The following COL1A1 variants were observed in gnomAD, a reference collection of about 807,000 sequenced individuals.
The protein encoded by COL1A1 is collagen alpha-1(I) chain.
A neutral mutation model predicts 195.7 loss-of-function variants in COL1A1; 21 were observed. The ratio of observed to expected loss-of-function variants is 0.11; its 90% confidence interval spans 0.08 to 0.15. The LOEUF (loss-of-function observed/expected upper bound fraction) is 0.15, where lower values mean the gene tolerates loss of function less well. COL1A1 is among the 10% of genes least tolerant of loss of function. The pLI is 1.00. For missense variants in COL1A1, 1,365 were observed against 2,051.0 expected, an observed-to-expected ratio of 0.67 and a Z score of 6.46; for synonymous variants, 749 against 747.3, an observed-to-expected ratio of 1.00 and a Z score of -0.04.
Position 50,195,719 on chromosome 17 carries a change from C to T in COL1A1, c.1057-54G>A. The T allele has an allele frequency of 5.8e-6, 9 of 1,562,662 alleles. No individual in the cohort carries two copies. The highest frequency in any genetic ancestry group is 7.0e-6 in the Non-Finnish European group (8 of 1,139,080). On this transcript the variant is annotated intron_variant, in intron 16 of 50. Coordinates refer to ENST00000225964, the MANE Select transcript of COL1A1 (RefSeq NM_000088.4). The surrounding 1 kb of genome is among the most constrained non-coding windows in gnomAD (Gnocchi z 4.3). ...GCCACCCTGGGAAACCCAACCTTGC[C>T]TCTCGGGATGGCAGGAGGAAGGGGA...
Position 50,188,222 on chromosome 17 carries a change from C to G in COL1A1, c.3208-73G>C, listed in dbSNP as rs41316701. 2.2e-3 allele frequency: 3,036 copies of G among 1,355,002 alleles called. 51 individuals carry two copies. The African/African-American group carries it at 0.036, about 16-fold the overall frequency. 83.9% of individuals were successfully genotyped at this position (1,355,002 alleles called of 1,614,324 possible). On this transcript the variant is annotated intron_variant, in intron 43 of 50. Transcript: ENST00000225964. The surrounding 1 kb of genome is among the most constrained non-coding windows in gnomAD (Gnocchi z 5.6). ...GCTGGGGCTGCAGGATGAGGCCTCC[C>G]CTCTGCTGGATCTCTCTCTCCTCAG...
chr17:50,193,961 A>T lies in COL1A1; in HGVS notation c.1749T>A (p.Pro583=). Residue 583 remains proline (P), a synonymous_variant, in exon 25 of 51, where the codon CCT becomes CCA. Transcript: ENST00000225964. ...ARGQAGVMGF[P]GPKGAAGEPG... is the part of the protein sequence containing the mutation. Reference sequence around the variant, plus strand: ...TACTCACAGCAGCACCTTTAGGTCCAGGGAATCCCATCACACCAGCCTGAC... The same window carrying T: ...TACTCACAGCAGCACCTTTAGGTCCTGGGAATCCCATCACACCAGCCTGAC... The T allele has an allele frequency of 1.2e-6, 2 of 1,614,152 alleles. No homozygotes were observed. Among genetic ancestry groups the T allele is most frequent in the Non-Finnish European group, 1.7e-6 (2 of 1,180,008 alleles).
chr17:50,189,330 C>G lies in COL1A1; in HGVS notation c.2829+47G>C. On this transcript the variant is annotated intron_variant, in intron 39 of 50. Transcript: ENST00000225964. This position sits in a 1 kb window ranked among gnomAD's most constrained non-coding sequence, Gnocchi z 5.5. Reference sequence around the variant, plus strand: ...AGAGAGCAGCACAGGGACCCCTCCCCAGCTCTGCACACCTCCGGAGCTGCA... The same window carrying G: ...AGAGAGCAGCACAGGGACCCCTCCCGAGCTCTGCACACCTCCGGAGCTGCA... 6.2e-7 allele frequency: 1 copy of G among 1,613,816 alleles called. No individual in the cohort carries two copies. The highest frequency in any genetic ancestry group is 8.5e-7 in the Non-Finnish European group (1 of 1,179,930).
In COL1A1 at chr17:50,190,448, A is replaced by C; in HGVS notation, c.2398-68T>G. The C allele has an allele frequency of 6.4e-7, 1 of 1,572,906 alleles. No homozygotes were observed. On this transcript the variant is annotated intron_variant, in intron 34 of 50. Coordinates refer to ENST00000225964, the MANE Select transcript of COL1A1 (RefSeq NM_000088.4). This position sits in a 1 kb window ranked among gnomAD's most constrained non-coding sequence, Gnocchi z 4.7. ...GGGAAGGCGGGGATGCGGTGAGGGG[A>C]GAGGCAAGGGGTGAAGGCACAGACA...
rs1382053306 is a variant in COL1A1, at chr17:50,185,545, T to C, written c.4352A>G (p.Asp1451Gly). 1 of 1,613,432 alleles carries C rather than the reference T, an allele frequency of 6.2e-7. No homozygotes were observed. The highest frequency in any genetic ancestry group is 1.1e-5 in the South Asian group (1 of 91,028). Residue 1451 changes from aspartate to glycine, a missense_variant, in exon 51 of 51, where the codon GAC becomes GGC. Transcript: ENST00000225964. Reference sequence around the variant, plus strand: ...GCCAACGTCGAAGCCGAATTCCTGGTCTGGGGCACCAACGTCCAAGGGGGC... The same window carrying C: ...GCCAACGTCGAAGCCGAATTCCTGGCCTGGGGCACCAACGTCCAAGGGGGC... ...DVAPLDVGAPDQEFGFDVGPV... is the reference protein window; with the variant it reads ...DVAPLDVGAPGQEFGFDVGPV...
chr17:50,199,131 A>G, intron 5 of COL1A1, 95 bp downstream of exon 5: 2 of 1,370,904 alleles, frequency 1.5e-6, no homozygotes, highest in Non-Finnish European at 1.9e-6. Flanking sequence ...ACTTTTCTGT[A>G]AGTTTGAAAT....
Position 50,194,706 on chromosome 17 carries a change from G to C in COL1A1, c.1461+15C>G. ...AATGAGGGTGGAGCGGGAGGGGGCG[G>C]GCAGGGACACTTACACGCTCGCCAG... On this transcript the variant is annotated intron_variant, in intron 21 of 50. Coordinates refer to ENST00000225964, the MANE Select transcript of COL1A1 (RefSeq NM_000088.4). The surrounding 1 kb of genome is among the most constrained non-coding windows in gnomAD (Gnocchi z 6.8). The C allele has an allele frequency of 6.4e-7, 1 of 1,562,122 alleles. No homozygotes were observed. The highest frequency in any genetic ancestry group is 1.2e-5 in the South Asian group (1 of 85,482).
rs1367059805 is a variant in COL1A1, at chr17:50,194,512, A to G, written c.1515+61T>C. On this transcript the variant is annotated intron_variant, in intron 22 of 50. Coordinates refer to ENST00000225964, the MANE Select transcript of COL1A1 (RefSeq NM_000088.4). This position sits in a 1 kb window ranked among gnomAD's most constrained non-coding sequence, Gnocchi z 6.8. Reference sequence around the variant, plus strand: ...TTTGTGGCTCTTTGCCACGGGCCAAAAGAGGAAGAAGATGCCCAGGGAGCG... The same window carrying G: ...TTTGTGGCTCTTTGCCACGGGCCAAGAGAGGAAGAAGATGCCCAGGGAGCG... 2 of 1,612,878 alleles carry G rather than the reference A, an allele frequency of 1.2e-6. No individual in the cohort carries two copies. The highest frequency in any genetic ancestry group is 1.7e-6 in the Non-Finnish European group (2 of 1,179,262).
rs979665690 is a variant in COL1A1 at position 50,194,240 on chromosome 17, G to T, written c.1615-57C>A. The T allele has an allele frequency of 1.3e-6, 2 of 1,586,264 alleles. No individual in the cohort carries two copies. The highest frequency in any genetic ancestry group is 1.7e-6 in the Non-Finnish European group (2 of 1,156,176). Reference sequence around the variant, plus strand: ...GGGGAGAAGCATGATGGAGGTGGGGGAGGACTCCAGAGGGCAGACCCTTGG... The same window carrying T: ...GGGGAGAAGCATGATGGAGGTGGGGTAGGACTCCAGAGGGCAGACCCTTGG... On this transcript the variant is annotated intron_variant, in intron 23 of 50. Transcript: ENST00000225964. This position sits in a 1 kb window ranked among gnomAD's most constrained non-coding sequence, Gnocchi z 6.8.
intron 29 of COL1A1, 48 bp from the exon 30 acceptor site, chr17:50,192,072 G>A (rs767426779): frequency 6.3e-7 from 1 of 1,592,702 alleles, no homozygotes; most frequent in Non-Finnish European, 8.6e-7. Flanking sequence ...ACCCACCTGG[G>A]GCCACTCTGC....
chr17:50,192,726 G>A lies in COL1A1; in HGVS notation c.1876-33C>T, dbSNP rs745414033. 12 of 1,613,852 alleles carry A rather than the reference G, an allele frequency of 7.4e-6. No individual in the cohort carries two copies. In the South Asian group the frequency reaches 1.2e-4, roughly 16 times the overall value. On this transcript the variant is annotated intron_variant, in intron 27 of 50. Transcript: ENST00000225964. ...GAGAGAACACTACAGTCACGGGGAG[G>A]CCGAGGAGACGAGGGGCTGAGGGTG...
chr17:50,199,288 G>T lies in COL1A1; in HGVS notation c.409C>A (p.Gln137Lys). The T allele has an allele frequency of 6.5e-7, 1 of 1,533,704 alleles. No individual in the cohort carries two copies. Among genetic ancestry groups the T allele is most frequent in the African/African-American group, 1.4e-5 (1 of 72,858 alleles). ...CCGGGGGGTCCGGGAAGTCCAGGCTGTCCAGGGATGCCATCTCGGCCAGGG... is the reference window on the plus strand; with the variant it reads ...CCGGGGGGTCCGGGAAGTCCAGGCTTTCCAGGGATGCCATCTCGGCCAGGG... The part of the protein sequence containing the change: ...GPPGRDGIPG[Q>K]PGLPGPPGPP... The change falls in exon 5 of 51, where the codon CAG (glutamine) becomes AAG (lysine). Residue 137 changes from glutamine to lysine, a missense_variant. Gln to Lys is a moderately conservative substitution (Grantham distance 53, BLOSUM62 1). Transcript: ENST00000225964.
In COL1A1 at chr17:50,190,444, G is replaced by T; in HGVS notation, c.2398-64C>A. 3 of 1,574,000 alleles carry T rather than the reference G, an allele frequency of 1.9e-6. No homozygotes were observed. The highest frequency in any genetic ancestry group is 2.6e-6 in the Non-Finnish European group (3 of 1,143,360). ...AGGAGGGAAGGCGGGGATGCGGTGA[G>T]GGGAGAGGCAAGGGGTGAAGGCACA... is the stretch of plus-strand genomic sequence containing the variant. On this transcript the variant is annotated intron_variant, in intron 34 of 50. Coordinates refer to ENST00000225964, the MANE Select transcript of COL1A1 (RefSeq NM_000088.4). The surrounding 1 kb of genome is among the most constrained non-coding windows in gnomAD (Gnocchi z 4.7).
Position 50,188,908 on chromosome 17 carries a change from G to A in COL1A1, c.3040C>T (p.Arg1014Cys), listed in dbSNP as rs72653170. ...GGGGGCTGGGGACTGCTCACCTCAC[G>A]TCCAGATTCACCAGGGGGTCCAGCC... Reference protein sequence around the residue: ...GLAGPPGESGREGAPGAEGSP... With the variant: ...GLAGPPGESGCEGAPGAEGSP... Residue 1014 changes from arginine (R) to cysteine (C), a missense_variant, in exon 41 of 51, where the codon CGT (arginine) becomes TGT (cysteine). Arg to Cys is a radical substitution (Grantham distance 180). This residue lies in a region of COL1A1 where 671 missense variants were observed against 1,099.9 expected (regional missense o/e 0.61). Transcript: ENST00000225964. This position sits in a 1 kb window ranked among gnomAD's most constrained non-coding sequence, Gnocchi z 5.6. 8 of 1,603,258 alleles carry A rather than the reference G, an allele frequency of 5.0e-6. No homozygotes were observed. Among genetic ancestry groups the A allele is most frequent in the East Asian group, 2.2e-5 (1 of 44,784 alleles).
chr17:50,193,097 G>A, intron 25 of COL1A1, 50 bp from the exon 26 acceptor site: 1 of 1,558,102 alleles, frequency 6.4e-7, no homozygotes, highest in Non-Finnish European at 8.8e-7. Context: ...AGAAGCCAGG[G>A]CCTCCTGGGG....
At chr17:50,193,394 G>C (rs1907272110) in intron 25 of COL1A1, 9 of 415,860 alleles carry the variant, frequency 2.2e-5, no homozygotes, top group Non-Finnish European at 3.9e-5. Context: ...ACGTGTCGGG[G>C]TGGAGGGCCA....
chr17:50,198,840 G>T (rs2144589918), intron 5 of COL1A1: 1 of 430,664 alleles, frequency 2.3e-6, no homozygotes, highest in South Asian at 2.3e-5. Context: ...GATTGGGGTG[G>T]TGGGGGGTGG....
In COL1A1 at chr17:50,192,450, C is replaced by T. The variant is rs111652266; in HGVS notation, c.1983+25G>A. 6 of 1,585,450 alleles carry T rather than the reference C, an allele frequency of 3.8e-6. No individual in the cohort carries two copies. The African/African-American group carries it at 5.4e-5, about 14-fold the overall frequency. On this transcript the variant is annotated intron_variant, in intron 29 of 50. Coordinates refer to ENST00000225964, the MANE Select transcript of COL1A1 (RefSeq NM_000088.4). Reference sequence around the variant, plus strand: ...CTCTGGATTCCCTGCATCTCCCACCCCTCTGGCCGGCTGCTCCCTCTTACC... The same window carrying T: ...CTCTGGATTCCCTGCATCTCCCACCTCTCTGGCCGGCTGCTCCCTCTTACC...
In COL1A1 at chr17:50,195,858, G is replaced by A. The variant is rs991167041; in HGVS notation, c.1056+65C>T. The A allele has an allele frequency of 2.0e-6, 3 of 1,537,914 alleles. No individual in the cohort carries two copies. Among genetic ancestry groups the A allele is most frequent in the Non-Finnish European group, 2.6e-6 (3 of 1,133,892 alleles). On this transcript the variant is annotated intron_variant, in intron 16 of 50. Coordinates refer to ENST00000225964, the MANE Select transcript of COL1A1 (RefSeq NM_000088.4). This position sits in a 1 kb window ranked among gnomAD's most constrained non-coding sequence, Gnocchi z 4.3. ...CCACTCTGGGTCCCTTTGGTTTGGG[G>A]AACAGGGAGACATGAACCCCTTGGC...
Sources: allele counts gnomAD v4.1 joint callset, GRCh38; gene constraint gnomAD v4.1.1; regional missense constraint gnomAD v4.1.1; non-coding constraint Gnocchi (gnomAD v3.1); transcripts MANE v1.5; gene names NCBI Gene and HGNC (gene_info 2026-07-23, HGNC 2026-07-21).